CACNA1E: variants seen among roughly 807,000 people sequenced by gnomAD.
CACNA1E encodes the protein calcium voltage-gated channel subunit alpha1 E.
CACNA1E carries 40 observed loss-of-function variants against 259.2 expected under a neutral mutation model. That is an observed-to-expected ratio of 0.15 (90% CI 0.12 to 0.20). The LOEUF (loss-of-function observed/expected upper bound fraction) is 0.20. CACNA1E is among the 10% of genes least tolerant of loss of function. The probability of loss-of-function intolerance (pLI) is 1.00; values close to 1 mark genes in which losing one functional copy is unlikely to be tolerated. For synonymous variants in CACNA1E, 1,104 were observed against 1,138.5 expected (o/e 0.97, Z 0.61); for missense variants, 1,874 against 3,040.1 (o/e 0.62, Z 9.02).
intron 7 of CACNA1E, among the ~76,000 whole-genome samples, chr1:181,661,232 T>C (rs769849801): frequency 6.6e-6 from 1 of 152,118 alleles, no homozygotes; most frequent in Non-Finnish European, 1.5e-5. Flanking sequence ...GATAAGGAGA[T>C]GGCTAGATTT....
chr1:181,757,505 T>C (rs1226893924), intron 30 of CACNA1E, among the ~76,000 whole-genome samples: 1 of 152,240 alleles, frequency 6.6e-6, no homozygotes, highest in South Asian at 2.1e-4. Context: ...TTCTGGCACA[T>C]TGTAAGGTTT....
intron 1 of CACNA1E, among the ~76,000 whole-genome samples, chr1:181,334,059 C>T (rs1651496087): frequency 6.6e-6 from 1 of 152,064 alleles, no homozygotes; most frequent in South Asian, 2.1e-4. Flanking sequence ...TGAGGCTCTC[C>T]TCTCCCCTCA....
chr1:181,584,744 T>C (rs1310234743), intron 6 of CACNA1E, among the ~76,000 whole-genome samples: 2 of 152,202 alleles, frequency 1.3e-5, no homozygotes. Flanking sequence ...GACTAGGGAA[T>C]GTGGCTTCCA....
At chr1:181,541,737 T>G (rs1668601169) in intron 3 of CACNA1E, among the ~76,000 whole-genome samples, 1 of 152,202 alleles carries the variant, frequency 6.6e-6, no homozygotes, top group South Asian at 2.1e-4. Flanking sequence ...CAAGGAGTAT[T>G]AGAGATCTTG....
At chr1:181,617,548 G>C (rs10489640) in intron 6 of CACNA1E, among the ~76,000 whole-genome samples, 17,779 of 152,170 alleles carry the variant, frequency 0.12, 1,152 homozygotes, top group South Asian at 0.22. Flanking sequence ...GATTTAGCCA[G>C]TCTTCATGCT....
Position 181,732,300 on chromosome 1 carries a change from G to C in CACNA1E, c.2298-84G>C, listed in dbSNP as rs1408691322. On this transcript the variant is annotated intron_variant, in intron 19 of 47. Coordinates refer to ENST00000367573, the MANE Select transcript of CACNA1E (RefSeq NM_001205293.3). This position sits in a 1 kb window ranked among gnomAD's most constrained non-coding sequence, Gnocchi z 5.5. Reference sequence around the variant, plus strand: ...CCCATTTGCCCCCACCATGTGTCCTGCCCTCTCACATGGCCCCTGTGGCCA... The same window carrying C: ...CCCATTTGCCCCCACCATGTGTCCTCCCCTCTCACATGGCCCCTGTGGCCA... 5 of 1,442,722 alleles carry C rather than the reference G, an allele frequency of 3.5e-6. No individual in the cohort carries two copies. Among genetic ancestry groups the C allele is most frequent in the Non-Finnish European group, 4.5e-6 (5 of 1,100,592 alleles). 89.4% of individuals were successfully genotyped at this position (1,442,722 alleles called of 1,614,324 possible).
intron 2 of CACNA1E, among the ~76,000 whole-genome samples, chr1:181,433,720 GT>G (rs1422277144): frequency 6.6e-6 from 1 of 152,100 alleles, no homozygotes; most frequent in Non-Finnish European, 1.5e-5. Context: ...AGAATATATA[GT>G]TTTCTATTCT....
intron 3 of CACNA1E, among the ~76,000 whole-genome samples, chr1:181,521,496 G>A (rs1044458892): frequency 2.6e-5 from 4 of 152,222 alleles, no homozygotes; most frequent in Non-Finnish European, 5.9e-5. Context: ...GAACTATGGT[G>A]TGGGGGAAAA....
intron 2 of CACNA1E, among the ~76,000 whole-genome samples, chr1:181,461,357 C>T (rs1477398367): frequency 3.3e-5 from 5 of 150,964 alleles, no homozygotes; most frequent in South Asian, 2.1e-4. Context: ...CTGGCTAACA[C>T]GGTGAAACCC....
chr1:181,584,371 T>C (rs1404682238), intron 6 of CACNA1E, among the ~76,000 whole-genome samples: 1 of 152,230 alleles, frequency 6.6e-6, no homozygotes, highest in Non-Finnish European at 1.5e-5. Flanking sequence ...CTACTTAAGA[T>C]GCTCCAAGCT....
intron 6 of CACNA1E, among the ~76,000 whole-genome samples, chr1:181,599,601 A>G (rs569031655): frequency 1.3e-5 from 2 of 152,346 alleles, no homozygotes; most frequent in East Asian, 3.9e-4. Context: ...TCTGTTAACT[A>G]CACTGTAAAC....
At chr1:181,770,399 A>G (rs1659403164) in intron 35 of CACNA1E, among the ~76,000 whole-genome samples, 1 of 152,140 alleles carries the variant, frequency 6.6e-6, no homozygotes, top group Non-Finnish European at 1.5e-5. Flanking sequence ...GGAGTTCATC[A>G]TTACTCAGTC....
In CACNA1E at chr1:181,726,049, T is replaced by G; in HGVS notation, c.2143-16T>G. On this transcript the variant is annotated splice_polypyrimidine_tract_variant and intron_variant, in intron 17 of 47. Transcript: ENST00000367573. ...CCTGGGGATCCCAGGCAAAGCCATCTCTGCTTTGTGTCTAGGATGAACAGG... is the reference window on the plus strand; with the variant it reads ...CCTGGGGATCCCAGGCAAAGCCATCGCTGCTTTGTGTCTAGGATGAACAGG... 6.3e-7 allele frequency: 1 copy of G among 1,591,322 alleles called. No individual in the cohort carries two copies. Among genetic ancestry groups the G allele is most frequent in the Non-Finnish European group, 8.6e-7 (1 of 1,162,040 alleles).
At chr1:181,326,000 G>A (rs887693426) in intron 1 of CACNA1E, among the ~76,000 whole-genome samples, 2 of 152,094 alleles carry the variant, frequency 1.3e-5, no homozygotes, top group East Asian at 1.9e-4. Context: ...ACACATCCTC[G>A]CCTCCTCCAC....
At chr1:181,537,033 C>T (rs1668219468) in intron 3 of CACNA1E, among the ~76,000 whole-genome samples, 1 of 151,846 alleles carries the variant, frequency 6.6e-6, no homozygotes, top group Non-Finnish European at 1.5e-5. Context: ...TGGTGACATG[C>T]CTACATTTAG....
intron 25 of CACNA1E, among the ~76,000 whole-genome samples, chr1:181,743,891 C>G (rs1044483789): frequency 6.6e-6 from 1 of 152,256 alleles, no homozygotes; most frequent in Non-Finnish European, 1.5e-5. Context: ...CTGCTCCCAT[C>G]TCCTCCCCCA....
At chr1:181,524,225 T>A (rs1667189854) in intron 3 of CACNA1E, among the ~76,000 whole-genome samples, 1 of 152,256 alleles carries the variant, frequency 6.6e-6, no homozygotes, top group South Asian at 2.1e-4. Flanking sequence ...CAAGTGGTGG[T>A]TTTATTTTTT....
At chr1:181,572,829 G>T (rs1246810666) in intron 3 of CACNA1E, among the ~76,000 whole-genome samples, 1 of 152,180 alleles carries the variant, frequency 6.6e-6, no homozygotes, top group Non-Finnish European at 1.5e-5. Context: ...ATTAGGAGAG[G>T]TGCATGGAGT....
At chr1:181,552,234 C>A (rs1185726765) in intron 3 of CACNA1E, among the ~76,000 whole-genome samples, 1 of 152,194 alleles carries the variant, frequency 6.6e-6, no homozygotes, top group Non-Finnish European at 1.5e-5. Flanking sequence ...CTCCTCACAC[C>A]CTTGGCTGAT....
Sources: allele counts gnomAD v4.1 joint callset (sites outside exome capture counted in the v4.1 genomes callset), GRCh38; gene constraint gnomAD v4.1.1; non-coding constraint Gnocchi (gnomAD v3.1); transcripts MANE v1.5; gene names NCBI Gene and HGNC (gene_info 2026-07-23, HGNC 2026-07-21).